The following SYBU variants were observed in gnomAD, a reference collection of about 807,000 sequenced individuals.
SYBU encodes GOLSYN A protein.
SYBU carries 21 observed loss-of-function variants against 35.9 expected under a neutral mutation model. That is an observed-to-expected ratio of 0.58 (90% CI 0.41 to 0.84). The LOEUF is 0.84. Among genes scored for constraint, SYBU ranks in the 40% least tolerant of loss-of-function variants. SYBU has a pLI of 0.00. For missense variants in SYBU, 768 were observed against 848.2 expected (o/e 0.91, Z 1.17); for synonymous variants, 319 against 324.3 (o/e 0.98, Z 0.18).
intron 3 of SYBU, chr8:109,607,850 AC>A: frequency 1.1e-6 from 1 of 916,224 alleles, no homozygotes. Flanking sequence ...ACACACACAC[AC>A]ACAGTCTAGC....
chr8:109,647,991 A>C (rs1815877980), upstream of SYBU: 1 of 152,158 alleles, frequency 6.6e-6, no homozygotes, highest in Non-Finnish European at 1.5e-5. Context: ...AGTGTTTCTC[A>C]TGTCATTAGA....
intron 1 of SYBU, among the ~76,000 whole-genome samples, chr8:109,678,407 T>G (rs1586996415): frequency 2.1e-5 from 3 of 143,972 alleles, no homozygotes; most frequent in South Asian, 2.3e-4. Flanking sequence ...TGTCTGGGGG[T>G]GGGGTGGAAG....
intron 6 of SYBU, among the ~76,000 whole-genome samples, chr8:109,576,703 AATCT>A (rs1163007333): frequency 2.6e-5 from 4 of 152,294 alleles, no homozygotes; most frequent in Admixed American, 6.5e-5. Context: ...CACTAAGGAG[AATCT>A]ATCCTATTTT....
intron 2 of SYBU, among the ~76,000 whole-genome samples, chr8:109,622,552 G>A (rs890773652): frequency 3.9e-5 from 6 of 152,088 alleles, no homozygotes; most frequent in Admixed American, 2.6e-4. Flanking sequence ...CTGAGATTCT[G>A]AGAATAGTAA....
At chr8:109,588,648 T>C (rs1458046284) in intron 3 of SYBU, among the ~76,000 whole-genome samples, 1 of 152,216 alleles carries the variant, frequency 6.6e-6, no homozygotes, top group Non-Finnish European at 1.5e-5. Flanking sequence ...TCATCTGATA[T>C]ACTTTCTTCA....
chr8:109,619,523 G>A (rs555402104), intron 2 of SYBU, among the ~76,000 whole-genome samples: 49 of 152,188 alleles, frequency 3.2e-4, no homozygotes, highest in Non-Finnish European at 4.3e-4. Context: ...TACCATGCCC[G>A]GCCCCTTGTA....
At chr8:109,597,418 G>A (rs1176834003) in intron 3 of SYBU, among the ~76,000 whole-genome samples, 1 of 152,128 alleles carries the variant, frequency 6.6e-6, no homozygotes, top group African/African-American at 2.4e-5. Flanking sequence ...GAAGCCACCA[G>A]TTAAGTCTCT....
chr8:109,624,079 A>G (rs952746936), intron 2 of SYBU, among the ~76,000 whole-genome samples: 4 of 152,194 alleles, frequency 2.6e-5, no homozygotes, highest in Non-Finnish European at 4.4e-5. Flanking sequence ...GAACCAACAC[A>G]AAGGAGGCCC....
rs1812113024 is a variant in SYBU at position 109,618,852 on chromosome 8, A to G, written c.417T>C (p.Leu139=). 6.2e-7 allele frequency: 1 copy of G among 1,613,858 alleles called. No homozygotes were observed. Among genetic ancestry groups the G allele is most frequent in the Non-Finnish European group, 8.5e-7 (1 of 1,179,852 alleles). ...AGTAAGTTCACTGACCTGGTTTCAC[A>G]AGGCCTGACTTTGATTCCTTCTTAT... is the stretch of plus-strand genomic sequence containing the variant. The part of the protein sequence containing the change: ...SRYKKESKSG[L]VKPGSEADFS... Residue 139 remains leucine, a synonymous_variant, in exon 3 of 7, where the codon CTT becomes CTC. Transcript: ENST00000276646.
intron 1 of SYBU, among the ~76,000 whole-genome samples, chr8:109,661,610 G>C (rs3108865): frequency 0.31 from 47,389 of 152,034 alleles, 8,727 homozygotes; most frequent in East Asian, 0.52. Context: ...AAGTTAATGT[G>C]AATAGTGCAA....
chr8:109,578,269 C>G (rs1822592871), intron 5 of SYBU, among the ~76,000 whole-genome samples: 1 of 152,098 alleles, frequency 6.6e-6, no homozygotes, highest in African/African-American at 2.4e-5. Flanking sequence ...CTTTTTCCAC[C>G]CTGTGAGGAT....
At chr8:109,585,651 T>G (rs1285220075) in intron 4 of SYBU, 1 of 162,826 alleles carries the variant, frequency 6.1e-6, no homozygotes, top group African/African-American at 2.4e-5. Flanking sequence ...AGGTTAAAAA[T>G]GGAAGTCCAG....
upstream of SYBU, among the ~76,000 whole-genome samples, chr8:109,649,475 C>A (rs1170064902): frequency 6.6e-6 from 1 of 152,142 alleles, no homozygotes; most frequent in Non-Finnish European, 1.5e-5. Context: ...TGAACATTCA[C>A]TGGGCTCAGA....
chr8:109,687,113 AT>A (rs1349464830), intron 1 of SYBU, among the ~76,000 whole-genome samples: 2 of 152,170 alleles, frequency 1.3e-5, no homozygotes, highest in Non-Finnish European at 2.9e-5. Context: ...CTGGACTCTA[AT>A]TTTGAACTAT....
At chr8:109,592,462 A>C (rs1824396242) in intron 3 of SYBU, among the ~76,000 whole-genome samples, 1 of 152,196 alleles carries the variant, frequency 6.6e-6, no homozygotes, top group African/African-American at 2.4e-5. Context: ...GGTTTACTGC[A>C]GCTCTCATCT....
At position 109,691,215 on chromosome 8, in the gene SYBU, GGGT is replaced by G; in HGVS notation, c.-58+115_-58+117del. ...CCCTGGATACCTCCCGCATTGGAAA[GGGT>G]GGTCCTGGGGTCCGGAGCGCCCCAT... On this transcript the variant is annotated intron_variant, in intron 1 of 7. Transcript: ENST00000422135. This position sits in a 1 kb window ranked among gnomAD's most constrained non-coding sequence, Gnocchi z 4.7. The G allele has an allele frequency of 1.6e-6, 1 of 628,504 alleles. No individual in the cohort carries two copies. Among genetic ancestry groups the G allele is most frequent in the South Asian group, 1.7e-5 (1 of 57,666 alleles). The allele number at this position is 628,504 out of a possible 1,614,324, so 38.9% of individuals were successfully genotyped here.
chr8:109,591,618 TCTC>T lies in SYBU; in HGVS notation c.428-5459_428-5457del, dbSNP rs1824273967. Among the ~76,000 whole-genome samples, 3 of 147,574 alleles carry T rather than the reference TCTC, an allele frequency of 2.0e-5. No individual in the cohort carries two copies. The South Asian group carries it at 6.5e-4, about 32-fold the overall frequency. ...GCTCCGCCTCCCAGGTTCACGCCAT[TCTC>T]CTGCCTCAGCCTCCCGAGTAGCTGG... On this transcript the variant is annotated intron_variant, in intron 3 of 6. Transcript: ENST00000276646.
intron 3 of SYBU, among the ~76,000 whole-genome samples, chr8:109,610,987 C>T (rs1048746269): frequency 6.6e-6 from 1 of 152,220 alleles, no homozygotes; most frequent in Non-Finnish European, 1.5e-5. Context: ...TCAATAAATG[C>T]TCCTCAATTA....
chr8:109,595,035 T>C (rs1281966310), intron 3 of SYBU, among the ~76,000 whole-genome samples: 1 of 152,080 alleles, frequency 6.6e-6, no homozygotes, highest in African/African-American at 2.4e-5. Context: ...AGATAATATA[T>C]GTAAAACATG....
Sources: allele counts gnomAD v4.1 joint callset (sites outside exome capture counted in the v4.1 genomes callset), GRCh38; gene constraint gnomAD v4.1.1; non-coding constraint Gnocchi (gnomAD v3.1); transcripts MANE v1.5; gene names NCBI Gene and HGNC (gene_info 2026-07-23, HGNC 2026-07-21).